Variants in ATG7 observed in about 807,000 individuals in gnomAD.
ATG7 encodes the protein ubiquitin-like modifier-activating enzyme ATG7.
A neutral mutation model predicts 82.4 loss-of-function variants in ATG7; 70 were observed. The observed-to-expected ratio is 0.85, with a 90% CI of 0.70 to 1.04. ATG7 has a LOEUF of 1.04. Ranked by LOEUF, ATG7 falls within the 50% of genes least tolerant of loss-of-function variation. The pLI is 0.00. For synonymous variants in ATG7, 287 were observed against 313.0 expected (o/e 0.92, Z 0.88); for missense variants, 792 against 864.3 (o/e 0.92, Z 1.05).
At chr3:11,573,339 GAAA>G in the ATG7 span, among the ~76,000 whole-genome samples, 1 of 78,800 alleles carries the variant, frequency 1.3e-5, no homozygotes, top group Non-Finnish European at 2.7e-5. Context: ...AAGAAAGAAA[GAAA>G]GAAAGAAAGA....
intron 9 of ATG7, among the ~76,000 whole-genome samples, chr3:11,327,991 A>G (rs1216612336): frequency 1.3e-5 from 2 of 152,232 alleles, no homozygotes; most frequent in African/African-American, 4.8e-5. Context: ...AGAGTTTTCA[A>G]GATAATGACA....
intron 20 of ATG7, among the ~76,000 whole-genome samples, chr3:11,440,597 T>C (rs1028651348): frequency 1.8e-4 from 27 of 148,412 alleles, no homozygotes; most frequent in African/African-American, 5.5e-4. Context: ...GTGCTGGGAT[T>C]ACAGGCGTGA....
rs898391826 is a variant in ATG7 at position 11,370,471 on chromosome 3, T to C, written c.1875+5737T>C. Among the ~76,000 whole-genome samples, 13 of 151,406 alleles carry C rather than the reference T, an allele frequency of 8.6e-5. 1 individual carries two copies. The highest frequency in any genetic ancestry group is 3.2e-4 in the African/African-American group (13 of 41,134). ...GCATTGAACTTGATTAAGACTCTTTTCAGCATCCAAGATCGATCTGGAGTT... is the reference window on the plus strand; with the variant it reads ...GCATTGAACTTGATTAAGACTCTTTCCAGCATCCAAGATCGATCTGGAGTT... On this transcript the variant is annotated intron_variant, in intron 18 of 20. Coordinates refer to ENST00000693202, the MANE Select transcript of ATG7 (RefSeq NM_001349232.2).
chr3:11,272,941 A>G (rs1460839064), intron 1 of ATG7, among the ~76,000 whole-genome samples: 1 of 152,258 alleles, frequency 6.6e-6, no homozygotes, highest in Non-Finnish European at 1.5e-5. Flanking sequence ...GTTAGAAACT[A>G]ATGCACAATA....
intron 14 of ATG7, among the ~76,000 whole-genome samples, chr3:11,357,724 A>T (rs544199172): frequency 6.6e-6 from 1 of 152,232 alleles, no homozygotes; most frequent in Non-Finnish European, 1.5e-5. Flanking sequence ...GGAAAGAGGT[A>T]CTTTGGCAGG....
chr3:11,470,799 A>G (rs2087412192), intron 20 of ATG7, among the ~76,000 whole-genome samples: 1 of 152,200 alleles, frequency 6.6e-6, no homozygotes, highest in South Asian at 2.1e-4. Flanking sequence ...GATGGGATTT[A>G]GGCTGAGGAG....
At chr3:11,294,031 AAAAG>A (rs1945442896) in intron 3 of ATG7, among the ~76,000 whole-genome samples, 3 of 150,848 alleles carry the variant, frequency 2.0e-5, no homozygotes, top group Admixed American at 1.3e-4. Context: ...AAAAAAAAAA[AAAAG>A]AAAAAGAAAG....
intron 20 of ATG7, among the ~76,000 whole-genome samples, chr3:11,453,302 G>A (rs2085378068): frequency 6.6e-6 from 1 of 152,196 alleles, no homozygotes. Context: ...CCACCTAGAA[G>A]CAAGCCAAGT....
the ATG7 span, among the ~76,000 whole-genome samples, chr3:11,569,237 C>T: frequency 1.3e-5 from 2 of 152,214 alleles, no homozygotes; most frequent in East Asian, 1.9e-4. Flanking sequence ...TCTGAGCCTG[C>T]GCTGGGCTTC....
In ATG7 at chr3:11,379,992, G is replaced by GT; in HGVS notation, c.1899dup (p.Asp634Ter). 1 of 1,614,158 alleles carries GT rather than the reference G, an allele frequency of 6.2e-7. No individual in the cohort carries two copies. Among genetic ancestry groups the GT allele is most frequent in the Non-Finnish European group, 8.5e-7 (1 of 1,179,994 alleles). On this transcript the variant is annotated frameshift_variant, in exon 19 of 21. Transcript: ENST00000693202. LOFTEE classifies it high-confidence loss of function. Reference sequence around the variant, plus strand: ...TTTAGATCCGGGGATTTCTTTCACGGTTTGATAATGTCCTTCCCGTCAGCC... The same window carrying GT: ...TTTAGATCCGGGGATTTCTTTCACGGTTTTGATAATGTCCTTCCCGTCAGCC...
At chr3:11,342,855 A>T (rs1402224123) in intron 13 of ATG7, among the ~76,000 whole-genome samples, 2 of 151,920 alleles carry the variant, frequency 1.3e-5, no homozygotes, top group African/African-American at 4.8e-5. Context: ...TTAGGAAAAA[A>T]ACCCTGGACA....
chr3:11,561,277 T>C (rs2072974629), downstream of ATG7, among the ~76,000 whole-genome samples: 1 of 152,066 alleles, frequency 6.6e-6, no homozygotes, highest in Non-Finnish European at 1.5e-5. Flanking sequence ...AGAAATGAGC[T>C]CACTGTCCAG....
chr3:11,501,524 A>G (rs1427044531), intron 20 of ATG7, among the ~76,000 whole-genome samples: 1 of 147,958 alleles, frequency 6.8e-6, no homozygotes, highest in Non-Finnish European at 1.5e-5. Flanking sequence ...CGGACTCCAT[A>G]TTATTAATAG....
At chr3:11,407,391 C>T (rs955413761) in intron 19 of ATG7, among the ~76,000 whole-genome samples, 4 of 152,194 alleles carry the variant, frequency 2.6e-5, no homozygotes, top group Non-Finnish European at 5.9e-5. Flanking sequence ...CACAGACTGG[C>T]GTTGAGTGTC....
intron 19 of ATG7, among the ~76,000 whole-genome samples, chr3:11,391,958 T>TGG (rs5846709): frequency 0.031 from 3,923 of 126,306 alleles, 138 homozygotes; most frequent in African/African-American, 0.084. Flanking sequence ...TTGTACTTAT[T>TGG]GGGGGGGGGG....
rs1306557681 is a variant in ATG7, at chr3:11,302,461, T to C, written c.215+3045T>C. On this transcript the variant is annotated intron_variant, in intron 5 of 20. Transcript: ENST00000693202. ...CATGGGTTGGTAGAGAAAGTCTTTA[T>C]GAATTTATTTATCAAAGAAGGAATA... Among the ~76,000 whole-genome samples, 5 of 152,326 alleles carry C rather than the reference T, an allele frequency of 3.3e-5. 1 individual carries two copies. The highest frequency in any genetic ancestry group is 1.2e-4 in the African/African-American group (5 of 41,572).
At chr3:11,290,536 TCTC>T (rs1944799884) in intron 3 of ATG7, 3 of 372,294 alleles carry the variant, frequency 8.1e-6, no homozygotes, top group Admixed American at 6.4e-5. Flanking sequence ...TCCTTCCTCT[TCTC>T]CTCCAGGTAG....
chr3:11,458,859 G>T (rs1241677827), intron 20 of ATG7, among the ~76,000 whole-genome samples: 2 of 152,208 alleles, frequency 1.3e-5, no homozygotes, highest in African/African-American at 4.8e-5. Context: ...GGGCAAGCGA[G>T]CATTAACGCC....
intron 9 of ATG7, among the ~76,000 whole-genome samples, chr3:11,328,237 G>C (rs1951148481): frequency 2.6e-5 from 4 of 152,286 alleles, no homozygotes; most frequent in African/African-American, 9.6e-5. Flanking sequence ...CCTCACTACA[G>C]CTCTATGAAA....
Sources: gnomAD v4.1 joint callset for allele counts (sites outside exome capture counted in the v4.1 genomes callset) on GRCh38, gnomAD v4.1.1 for gene constraint, MANE v1.5 for transcripts, NCBI Gene and HGNC (gene_info 2026-07-23, HGNC 2026-07-21) for gene names.